Variants in PTPN3 observed in about 807,000 individuals in gnomAD.
PTPN3 encodes the protein tyrosine-protein phosphatase non-receptor type 3.
PTPN3 carries 96 observed loss-of-function variants against 132.7 expected under a neutral mutation model. The ratio of observed to expected loss-of-function variants is 0.72; its 90% CI spans 0.61 to 0.86. The LOEUF is 0.86. Ranked by LOEUF, PTPN3 falls within the 40% of genes least tolerant of loss-of-function variation. The pLI, the probability that PTPN3 is intolerant of heterozygous loss-of-function variation, is 0.00. For missense variants in PTPN3, 1,125 were observed against 1,159.6 expected, an observed-to-expected ratio of 0.97 and a Z score of 0.43; for synonymous variants, 398 against 429.0, an observed-to-expected ratio of 0.93 and a Z score of 0.89.
chr9:109,494,838 G>C (rs530722777), intron 1 of PTPN3, among the ~76,000 whole-genome samples: 2 of 152,250 alleles, frequency 1.3e-5, no homozygotes, highest in South Asian at 2.1e-4. Flanking sequence ...ATACATGGTA[G>C]AGACTCAATA....
chr9:109,501,320 G>A (rs188130552), upstream of PTPN3, among the ~76,000 whole-genome samples: 58 of 152,276 alleles, frequency 3.8e-4, no homozygotes, highest in Non-Finnish European at 6.8e-4. Context: ...TTGAACACAA[G>A]TCAATCTGAT....
intron 4 of PTPN3, among the ~76,000 whole-genome samples, chr9:109,455,664 C>T (rs1845524003): frequency 6.6e-6 from 1 of 152,190 alleles, no homozygotes; most frequent in Non-Finnish European, 1.5e-5. Flanking sequence ...TGCTTGTTCA[C>T]CTCCCCTCCC....
chr9:109,453,102 G>A (rs886528950), intron 5 of PTPN3, among the ~76,000 whole-genome samples: 4 of 152,184 alleles, frequency 2.6e-5, no homozygotes, highest in Non-Finnish European at 5.9e-5. Context: ...TTGGACATTG[G>A]CTTAAAAAGT....
At chr9:109,402,512 C>A (rs946607114) in intron 19 of PTPN3, among the ~76,000 whole-genome samples, 1 of 152,004 alleles carries the variant, frequency 6.6e-6, no homozygotes, top group Non-Finnish European at 1.5e-5. Context: ...CTCCTGACCT[C>A]AGGTGATCCA....
chr9:109,506,849 C>T, the PTPN3 span, among the ~76,000 whole-genome samples: 109 of 152,228 alleles, frequency 7.2e-4, 3 homozygotes, highest in East Asian at 0.019. Flanking sequence ...GCATTCCTCC[C>T]GTCTTGGCTT....
Position 109,376,959 on chromosome 9 carries a change from T to C in PTPN3, c.*2597A>G, listed in dbSNP as rs926902541. 6.6e-6 allele frequency: 1 copy of C among 152,194 alleles called. No individual in the cohort carries two copies. The highest frequency in any genetic ancestry group is 2.4e-5 in the African/African-American group (1 of 41,418). The allele number at this position is 152,194 out of a possible 1,614,324, so 9.4% of individuals were successfully genotyped here. On this transcript the variant is annotated 3_prime_UTR_variant, in exon 26 of 26. Coordinates refer to ENST00000374541, the MANE Select transcript of PTPN3 (RefSeq NM_002829.4). ...CTGCTTGCAACCTTTGGTAGGCTTT[T>C]TAGAAATTTATGTGACCGTAATGGC...
the PTPN3 span, among the ~76,000 whole-genome samples, chr9:109,532,323 G>A: frequency 7.9e-5 from 12 of 152,252 alleles, no homozygotes; most frequent in Admixed American, 3.3e-4. Flanking sequence ...TGCTACTTCA[G>A]GAAGTATGGA....
chr9:109,390,716 C>T (rs1840000339), intron 21 of PTPN3, among the ~76,000 whole-genome samples: 1 of 152,042 alleles, frequency 6.6e-6, no homozygotes, highest in African/African-American at 2.4e-5. Context: ...TGAAACATTC[C>T]ACTTTTTCTT....
At chr9:109,471,665 A>T (rs528468099) in intron 1 of PTPN3, among the ~76,000 whole-genome samples, 1 of 124,240 alleles carries the variant, frequency 8.0e-6, no homozygotes, top group South Asian at 2.7e-4. Flanking sequence ...TGTCATATGG[A>T]AGGCACTTTT....
chr9:109,449,074 G>A, intron 5 of PTPN3: 13 of 1,364,498 alleles, frequency 9.5e-6, no homozygotes, highest in Non-Finnish European at 1.1e-5. Flanking sequence ...ACTGGTGGGG[G>A]CAATTTTCTG....
chr9:109,442,075 T>G (rs112624037), intron 7 of PTPN3, among the ~76,000 whole-genome samples: 5 of 151,596 alleles, frequency 3.3e-5, no homozygotes, highest in African/African-American at 1.2e-4. Flanking sequence ...TGAGACAGAG[T>G]CTCACTCTGT....
chr9:109,491,534 T>C, intron 1 of PTPN3, among the ~76,000 whole-genome samples: 1 of 152,036 alleles, frequency 6.6e-6, no homozygotes, highest in Non-Finnish European at 1.5e-5. Flanking sequence ...AAATAAAACT[T>C]AGAAAAAGTT....
intron 1 of PTPN3, among the ~76,000 whole-genome samples, chr9:109,466,810 G>T (rs549783800): frequency 6.6e-6 from 1 of 152,296 alleles, no homozygotes; most frequent in African/African-American, 2.4e-5. Context: ...AGACGGATGT[G>T]GCCAAAGCAG....
the PTPN3 span, chr9:109,533,773 C>A: frequency 7.6e-7 from 1 of 1,308,270 alleles, no homozygotes. Flanking sequence ...TGCTGTAGGG[C>A]CGGCGTGGTT....
intron 1 of PTPN3, among the ~76,000 whole-genome samples, chr9:109,475,355 A>G (rs1203731840): frequency 6.6e-6 from 1 of 152,248 alleles, no homozygotes; most frequent in Non-Finnish European, 1.5e-5. Flanking sequence ...ATAATTCTAA[A>G]TGAATACCTC....
chr9:109,494,389 G>T (rs1410904515), intron 1 of PTPN3, among the ~76,000 whole-genome samples: 1 of 152,214 alleles, frequency 6.6e-6, no homozygotes, highest in Non-Finnish European at 1.5e-5. Flanking sequence ...CTTGAGCCAT[G>T]ATCGGGCCAC....
the PTPN3 span, among the ~76,000 whole-genome samples, chr9:109,523,800 G>A: frequency 4.5e-5 from 2 of 44,508 alleles, no homozygotes; most frequent in African/African-American, 1.0e-4. Flanking sequence ...TAGTGTATGC[G>A]GCCTTCTGCA....
chr9:109,415,916 G>A (rs78098740), intron 14 of PTPN3, among the ~76,000 whole-genome samples: 1 of 152,284 alleles, frequency 6.6e-6, no homozygotes, highest in Non-Finnish European at 1.5e-5. Flanking sequence ...ACATCTACAC[G>A]CAAGTGGACT....
chr9:109,395,280 G>A (rs1840479598), intron 19 of PTPN3, among the ~76,000 whole-genome samples: 1 of 151,980 alleles, frequency 6.6e-6, no homozygotes, highest in South Asian at 2.1e-4. Flanking sequence ...ACTAAAGTGA[G>A]AAAAAGAAAT....
Sources: allele counts gnomAD v4.1 joint callset (sites outside exome capture counted in the v4.1 genomes callset), GRCh38; gene constraint gnomAD v4.1.1; transcripts MANE v1.5; gene names NCBI Gene and HGNC (gene_info 2026-07-23, HGNC 2026-07-21).